Variants in TCP11 observed in about 807,000 individuals in gnomAD.
The protein encoded by TCP11 is t-complex 11, also known as T-complex protein 11 homolog.
TCP11 carries 34 observed loss-of-function variants against 45.0 expected under a neutral mutation model. The ratio of observed to expected loss-of-function variants is 0.76; its 90% confidence interval spans 0.57 to 1.01. The LOEUF is 1.01. Ranked by LOEUF, TCP11 falls within the 50% of genes least tolerant of loss-of-function variation. The pLI, the probability that TCP11 is intolerant of heterozygous loss-of-function variation, is 0.00. For missense variants in TCP11, 523 were observed against 598.1 expected (o/e 0.87, Z 1.31); for synonymous variants, 227 against 227.0 (o/e 1.00, Z 0.00).
chr6:35,120,459 G>C lies in TCP11; in HGVS notation c.903C>G (p.Leu301=). 3.1e-6 allele frequency: 5 copies of C among 1,602,124 alleles called. No individual in the cohort carries two copies. Among genetic ancestry groups the C allele is most frequent in the Non-Finnish European group, 4.3e-6 (5 of 1,174,032 alleles). Residue 301 remains leucine (L), a synonymous_variant, in exon 7 of 10, where the codon CTC becomes CTG. Transcript: ENST00000311875. The surrounding 1 kb of genome is among the most constrained non-coding windows in gnomAD (Gnocchi z 4.9). The part of the protein sequence containing the change: ...VLCQGFLNLL[L]WDLENEEFPE... ...GGAACTCTTCATTTTCAAGGTCCCA[G>C]AGAAGGAGGTTCAAGAAGCCCTGAC...
rs1779084644 is a variant in TCP11 at position 35,120,292 on chromosome 6, G to A, written c.982C>T (p.His328Tyr). The A allele has an allele frequency of 4.3e-6, 7 of 1,614,138 alleles. No homozygotes were observed. The highest frequency in any genetic ancestry group is 2.7e-5 in the African/African-American group (2 of 74,956). Residue 328 changes from histidine (H) to tyrosine (Y), a missense_variant, in exon 8 of 10, where the codon CAC becomes TAC. Coordinates refer to ENST00000311875, the MANE Select transcript of TCP11 (RefSeq NM_001370687.1). This position sits in a 1 kb window ranked among gnomAD's most constrained non-coding sequence, Gnocchi z 4.9. Reference protein sequence around the residue: ...TRLQELKSQLHQLTVMASVLL... With the variant: ...TRLQELKSQLYQLTVMASVLL... ...ACTGAGGCCATGACGGTTAACTGGT[G>A]CAACTGGGACTTCAGCTCCTGCAGC...
Position 35,122,225 on chromosome 6 carries a change from A to G in TCP11, c.470T>C (p.Leu157Pro), listed in dbSNP as rs770912471. 8 of 1,614,100 alleles carry G rather than the reference A, an allele frequency of 5.0e-6. No individual in the cohort carries two copies. In the African/African-American group the frequency reaches 1.1e-4, roughly 22 times the overall value. ...GTTGAGAACGTACTTAGAGAGATAG[A>G]GGACTTTCAGGGCCCCATGTTCTGC... ...QEAEHGALKV[L>P]YLSKYVLNMM... Residue 157 changes from leucine (L) to proline (P), a missense_variant, in exon 5 of 10, where the codon CTC (leucine) becomes CCC (proline). By Grantham distance (98) the Leu-to-Pro change is moderately conservative. Coordinates refer to ENST00000311875, the MANE Select transcript of TCP11 (RefSeq NM_001370687.1).
chr6:35,121,767 C>G (rs1779277538), intron 5 of TCP11, among the ~76,000 whole-genome samples: 1 of 149,956 alleles, frequency 6.7e-6, no homozygotes, highest in African/African-American at 2.5e-5. Flanking sequence ...GAGCTGAGAT[C>G]TCACTGCTGT....
chr6:35,124,734 G>A (rs1323736017), intron 4 of TCP11, among the ~76,000 whole-genome samples: 1 of 152,080 alleles, frequency 6.6e-6, no homozygotes, highest in Non-Finnish European at 1.5e-5. Flanking sequence ...AAGAACCAAT[G>A]GGGAAAGGAC....
At chr6:35,138,604 TG>T (rs1781374457) in intron 2 of TCP11, among the ~76,000 whole-genome samples, 1 of 50,566 alleles carries the variant, frequency 2.0e-5, no homozygotes, top group African/African-American at 7.8e-5. Context: ...GGTGGGGGGT[TG>T]GGGGGTTGCA....
chr6:35,125,547 T>C (rs1240959587), intron 4 of TCP11, among the ~76,000 whole-genome samples: 1 of 152,236 alleles, frequency 6.6e-6, no homozygotes, highest in African/African-American at 2.4e-5. Flanking sequence ...ATTGGAACCC[T>C]GGTACATTGC....
chr6:35,122,320 T>C lies in TCP11; in HGVS notation c.375A>G (p.Leu125=), dbSNP rs2234044. Residue 125 remains leucine (L), a synonymous_variant, in exon 5 of 10, where the codon CTA becomes CTG. Coordinates refer to ENST00000311875, the MANE Select transcript of TCP11 (RefSeq NM_001370687.1). ...TTCTCAGGCGGTTCTGGCGTGGTAATAGCAGTGATAGCAAGATCTGCCCAG... is the reference window on the plus strand; with the variant it reads ...TTCTCAGGCGGTTCTGGCGTGGTAACAGCAGTGATAGCAAGATCTGCCCAG... ...KEIKEILLSL[L]LPRQNRLRIE... The C allele has an allele frequency of 0.15, 245,886 of 1,613,856 alleles. 21,011 individuals are homozygous for C. Among genetic ancestry groups the C allele is most frequent in the African/African-American group, 0.29 (21,977 of 74,926 alleles).
rs570065822 is a variant in TCP11, at chr6:35,119,714, C to T, written c.1116-323G>A. Among the ~76,000 whole-genome samples, 24 of 152,312 alleles carry T rather than the reference C, an allele frequency of 1.6e-4. No homozygotes were observed. The East Asian group carries it at 4.6e-3, about 29-fold the overall frequency. Reference sequence around the variant, plus strand: ...ACTCAGCATTCTTTAGTCCCATGGACTTTATTTTTATATATATATGTTTAA... The same window carrying T: ...ACTCAGCATTCTTTAGTCCCATGGATTTTATTTTTATATATATATGTTTAA... On this transcript the variant is annotated intron_variant, in intron 8 of 9. Transcript: ENST00000311875.
intron 4 of TCP11, among the ~76,000 whole-genome samples, chr6:35,127,233 G>C (rs971950925): frequency 1.3e-5 from 2 of 152,308 alleles, no homozygotes; most frequent in African/African-American, 4.8e-5. Flanking sequence ...TGCCGTACTT[G>C]CTCCTGAGTA....
At chr6:35,140,157 A>G (rs1395334577) in intron 2 of TCP11, 12 of 1,603,332 alleles carry the variant, frequency 7.5e-6, no homozygotes, top group Non-Finnish European at 9.4e-6. Context: ...TCGCATTTCA[A>G]TAGTCAAGAA....
At position 35,121,062 on chromosome 6, in the gene TCP11, G is replaced by A; in HGVS notation, c.579-17C>T. ...AAGATCCCTCTGACACAGGGGGAAA[G>A]AGAATATTTATACTACTAAGCTAGA... On this transcript the variant is annotated splice_polypyrimidine_tract_variant and intron_variant, in intron 5 of 9. Coordinates refer to ENST00000311875, the MANE Select transcript of TCP11 (RefSeq NM_001370687.1). 4 of 1,593,332 alleles carry A rather than the reference G, an allele frequency of 2.5e-6. No individual in the cohort carries two copies. In the South Asian group the frequency reaches 3.5e-5, roughly 14 times the overall value.
chr6:35,137,869 T>C (rs1581854493), intron 2 of TCP11: 1 of 453,242 alleles, frequency 2.2e-6, no homozygotes, highest in Non-Finnish European at 4.4e-6. Context: ...GATGGATAAA[T>C]GGGGGCTCAT....
At chr6:35,126,485 C>T (rs1779832675) in intron 4 of TCP11, among the ~76,000 whole-genome samples, 1 of 152,124 alleles carries the variant, frequency 6.6e-6, no homozygotes, top group African/African-American at 2.4e-5. Flanking sequence ...TTCATACCTA[C>T]TAAATTAACT....
chr6:35,121,489 T>C (rs774400624), intron 5 of TCP11, among the ~76,000 whole-genome samples: 8 of 151,328 alleles, frequency 5.3e-5, no homozygotes, highest in Non-Finnish European at 1.2e-4. Flanking sequence ...CTCCTCATAG[T>C]GTGTGAACCG....
In TCP11 at chr6:35,141,240, C is replaced by A; in HGVS notation, c.-50G>T. 7.3e-7 allele frequency: 1 copy of A among 1,371,840 alleles called. No homozygotes were observed. The highest frequency in any genetic ancestry group is 9.4e-7 in the Non-Finnish European group (1 of 1,063,324). 85.0% of individuals were successfully genotyped at this position (1,371,840 alleles called of 1,614,324 possible). A position where few individuals can be genotyped will look rare whatever the true frequency, so the allele number is the denominator to read the frequency against. On this transcript the variant is annotated 5_prime_UTR_variant, in exon 1 of 10. Transcript: ENST00000311875. ...CCCGCCGCGGGTCATCCACTGGCGT[C>A]CGCTCGGTGGGCCTCGCGGCCTGGC...
chr6:35,136,234 A>C lies in TCP11; in HGVS notation c.125-16T>G. The C allele has an allele frequency of 6.3e-7, 1 of 1,595,920 alleles. No homozygotes were observed. Among genetic ancestry groups the C allele is most frequent in the Non-Finnish European group, 8.6e-7 (1 of 1,164,976 alleles). On this transcript the variant is annotated splice_polypyrimidine_tract_variant and intron_variant, in intron 2 of 9. Transcript: ENST00000311875. Reference sequence around the variant, plus strand: ...ACAGAAAGAACTGATGGTGGACAACAATGAGCCCATGCAAGTCTGAATTTC... The same window carrying C: ...ACAGAAAGAACTGATGGTGGACAACCATGAGCCCATGCAAGTCTGAATTTC...
At chr6:35,140,278 G>T in intron 2 of TCP11, 4 of 1,331,724 alleles carry the variant, frequency 3.0e-6, no homozygotes, top group Non-Finnish European at 4.1e-6. Flanking sequence ...GACCTACCAC[G>T]AAGCGCGGAG....
At chr6:35,138,735 T>G (rs1781392082) in intron 2 of TCP11, among the ~76,000 whole-genome samples, 1 of 152,060 alleles carries the variant, frequency 6.6e-6, no homozygotes, top group Admixed American at 6.6e-5. Context: ...ACTAAAAGAG[T>G]ATAATTGGAT....
intron 4 of TCP11, among the ~76,000 whole-genome samples, chr6:35,123,722 A>G (rs1247048856): frequency 3.3e-5 from 5 of 149,346 alleles, no homozygotes; most frequent in African/African-American, 1.2e-4. Context: ...CCTGGTCTCA[A>G]TCTATCCTCC....
Sources: allele counts gnomAD v4.1 joint callset (sites outside exome capture counted in the v4.1 genomes callset), GRCh38; gene constraint gnomAD v4.1.1; non-coding constraint Gnocchi (gnomAD v3.1); transcripts MANE v1.5; gene names NCBI Gene and HGNC (gene_info 2026-07-23, HGNC 2026-07-21).